MMP19: variants seen among roughly 807,000 people sequenced by gnomAD.
MMP19 encodes the protein matrix metalloproteinase-19.
Under a neutral mutation model 46.6 loss-of-function variants are expected in MMP19, and 47 were observed. The ratio of observed to expected loss-of-function variants is 1.01; its 90% confidence interval spans 0.80 to 1.29. The LOEUF is 1.29. Ranked by LOEUF, MMP19 falls within the 50% of genes most tolerant of loss-of-function variation. MMP19 has a pLI of 0.00. For missense variants in MMP19, 589 were observed against 643.5 expected, an observed-to-expected ratio of 0.92 and a Z score of 0.92; for synonymous variants, 222 against 248.5, an observed-to-expected ratio of 0.89 and a Z score of 1.00.
rs1446236382 is a variant in MMP19 at position 55,842,224 on chromosome 12, C to T, written c.173+129G>A. ...CATGCCCCACCACCATAATAATGAT[C>T]GCCACCCATCTCTAAATCCCTGGCA... On this transcript the variant is annotated intron_variant, in intron 2 of 8. Coordinates refer to ENST00000322569, the MANE Select transcript of MMP19 (RefSeq NM_002429.6). 3.4e-5 allele frequency: 24 copies of T among 714,446 alleles called. 1 individual carries two copies. The highest frequency in any genetic ancestry group is 5.2e-5 in the Non-Finnish European group (21 of 404,248). The allele number at this position is 714,446 out of a possible 1,614,324, so 44.3% of individuals were successfully genotyped here. A position where few individuals can be genotyped will look rare whatever the true frequency, so the allele number is the denominator to read the frequency against.
rs754161614 is a variant in MMP19, at chr12:55,841,172, T to C, written c.238A>G (p.Met80Val). The C allele has an allele frequency of 2.5e-6, 4 of 1,613,932 alleles. No homozygotes were observed. Among genetic ancestry groups the C allele is most frequent in the East Asian group, 4.5e-5 (2 of 44,866 alleles). ...GQLDDATRARMRQPRCGLEDP... is the reference protein window; with the variant it reads ...GQLDDATRARVRQPRCGLEDP... ...TCTAGGCCACAACGAGGCTGCCTCATGCGGGCCCTTGTGGCATCATCCAGC... is the reference window on the plus strand; with the variant it reads ...TCTAGGCCACAACGAGGCTGCCTCACGCGGGCCCTTGTGGCATCATCCAGC... The change falls in exon 3 of 9, where the codon ATG becomes GTG. Residue 80 changes from methionine to valine, a missense_variant. Physicochemically the swap from Met to Val is conservative, Grantham distance 21 (BLOSUM62 1). Transcript: ENST00000322569.
intron 5 of MMP19, among the ~76,000 whole-genome samples, chr12:55,839,102 C>T (rs754844733): frequency 1.3e-5 from 2 of 151,780 alleles, no homozygotes; most frequent in African/African-American, 2.4e-5. Flanking sequence ...ATTAGCTGGG[C>T]GTGGTTGCGT....
rs561717727 is a variant in MMP19 at position 55,838,439 on chromosome 12, C to T, written c.895+167G>A. The T allele has an allele frequency of 1.3e-4, 195 of 1,558,672 alleles. No individual in the cohort carries two copies. In the East Asian group the frequency reaches 3.2e-3, roughly 26 times the overall value. On this transcript the variant is annotated intron_variant, in intron 6 of 8. Coordinates refer to ENST00000322569, the MANE Select transcript of MMP19 (RefSeq NM_002429.6). The stretch of plus-strand genomic sequence containing the variant: ...GCCTAAGCCACCTTTAATTTGGCTC[C>T]GAACTCTCCCTCCCCATGTCACATG...
rs1211610941 is a variant in MMP19 at position 55,836,391 on chromosome 12, C to G, written c.*645G>C. 1 of 152,230 alleles carries G rather than the reference C, an allele frequency of 6.6e-6. No homozygotes were observed. The highest frequency in any genetic ancestry group is 1.5e-5 in the Non-Finnish European group (1 of 68,048). The allele number at this position is 152,230 out of a possible 1,614,324, so 9.4% of individuals were successfully genotyped here. A position where few individuals can be genotyped will look rare whatever the true frequency, so the allele number is the denominator to read the frequency against. On this transcript the variant is annotated 3_prime_UTR_variant, in exon 9 of 9. Transcript: ENST00000322569. ...ACAGACTACTGTAAGAGTTATACAG[C>G]CAGACAGCTAGAGGAAGAGCTGTTC...
In MMP19 at chr12:55,837,324, G is replaced by A; in HGVS notation, c.1239C>T (p.Ser413=). The change falls in exon 9 of 9, where the codon AGC becomes AGT. Residue 413 remains serine (S), a synonymous_variant. Coordinates refer to ENST00000322569, the MANE Select transcript of MMP19 (RefSeq NM_002429.6). ...ACAAACCCTTGATTGGTTTGGGGTA[G>A]CTGCTGAAGTCAGTTCGGGCTAGCT... is the stretch of plus-strand genomic sequence containing the variant. The part of the protein sequence containing the change: ...WDELARTDFS[S]YPKPIKGLFT... 1 of 1,611,992 alleles carries A rather than the reference G, an allele frequency of 6.2e-7. No homozygotes were observed. The highest frequency in any genetic ancestry group is 8.5e-7 in the Non-Finnish European group (1 of 1,178,196).
chr12:55,840,558 C>T lies in MMP19; in HGVS notation c.520+109G>A, dbSNP rs969160318. 14 of 1,124,928 alleles carry T rather than the reference C, an allele frequency of 1.2e-5. No homozygotes were observed. The Admixed American group carries it at 2.5e-4, about 20-fold the overall frequency. The allele number at this position is 1,124,928 out of a possible 1,614,324, so 69.7% of individuals were successfully genotyped here. On this transcript the variant is annotated intron_variant, in intron 4 of 8. Transcript: ENST00000322569. ...GGAGGTAATTAGAGAGCGTATGGTG[C>T]AGGTGGGATAAAGAGCAGCCCAAAC...
At chr12:55,838,496 T>TA (rs761677065) in intron 6 of MMP19, 110 bp downstream of exon 6, 12 of 1,607,528 alleles carry the variant, frequency 7.5e-6, no homozygotes, top group Non-Finnish European at 1.0e-5. Flanking sequence ...GCCTGGGGTC[T>TA]AACCTCCATT....
In MMP19 at chr12:55,838,310, A is replaced by T. The variant is rs990970810; in HGVS notation, c.895+296T>A. The T allele has an allele frequency of 6.1e-6, 4 of 651,992 alleles. No individual in the cohort carries two copies. The Admixed American group carries it at 1.1e-4, about 18-fold the overall frequency. The allele number at this position is 651,992 out of a possible 1,614,324, so 40.4% of individuals were successfully genotyped here. ...CCTAGTTGTCCTTCCAACCAGGTGCACCCTCTCTAACAGGCAATCTGGGTA... is the reference window on the plus strand; with the variant it reads ...CCTAGTTGTCCTTCCAACCAGGTGCTCCCTCTCTAACAGGCAATCTGGGTA... On this transcript the variant is annotated intron_variant, in intron 6 of 8. Coordinates refer to ENST00000322569, the MANE Select transcript of MMP19 (RefSeq NM_002429.6).
intron 4 of MMP19, chr12:55,839,960 GC>G: frequency 1.7e-6 from 1 of 604,652 alleles, no homozygotes; most frequent in South Asian, 2.1e-5. Flanking sequence ...GCCACTCCCT[GC>G]TCTCTGACCC....
intron 8 of MMP19, 61 bp from the exon 9 acceptor site, chr12:55,837,435 G>A (rs1455503742): frequency 1.2e-5 from 19 of 1,576,284 alleles, no homozygotes; most frequent in Non-Finnish European, 1.6e-5. Flanking sequence ...GACCCCCAGG[G>A]GTCCACCCCC....
Position 55,840,308 on chromosome 12 carries a change from TCAAG to T in MMP19, c.520+355_520+358del, listed in dbSNP as rs1362758737. ...CAGTCTGGGCAACAGAGTGAGACTGTCAAGCAAGCAAGAGAGAGGAAGGAAAGAA... is the reference window on the plus strand; with the variant it reads ...CAGTCTGGGCAACAGAGTGAGACTGTCAAGCAAGAGAGAGGAAGGAAAGAA... On this transcript the variant is annotated intron_variant, in intron 4 of 8. Coordinates refer to ENST00000322569, the MANE Select transcript of MMP19 (RefSeq NM_002429.6). Among the ~76,000 whole-genome samples, 4 of 127,186 alleles carry T rather than the reference TCAAG, an allele frequency of 3.1e-5. No individual in the cohort carries two copies. The East Asian group carries it at 7.1e-4, about 22-fold the overall frequency. The allele number at this position is 127,186 out of a possible 152,430, so 83.4% of individuals were successfully genotyped here.
In MMP19 at chr12:55,837,274, G is replaced by T. The variant is rs372055008; in HGVS notation, c.1289C>A (p.Ser430Ter). ...GLFTGVPNQP[S>*]AAMSWQDGRV... is the part of the protein sequence containing the mutation. ...GCCATCTTGCCAACTCATAGCAGCC[G>T]AGGGCTGGTTTGGCACTCCCGTAAA... Residue 430 changes from serine (S) to a stop codon, truncating the protein, a stop_gained, in exon 9 of 9, where the codon TCG (serine) becomes TAG (stop). Coordinates refer to ENST00000322569, the MANE Select transcript of MMP19 (RefSeq NM_002429.6). LOFTEE classifies it low-confidence loss of function (END_TRUNC). 4 of 1,614,060 alleles carry T rather than the reference G, an allele frequency of 2.5e-6. No individual in the cohort carries two copies. In the African/African-American group the frequency reaches 5.3e-5, roughly 22 times the overall value.
intron 2 of MMP19, 49 bp downstream of exon 2, chr12:55,842,304 A>T: frequency 1.4e-6 from 2 of 1,461,690 alleles, no homozygotes; most frequent in Non-Finnish European, 1.9e-6. Flanking sequence ...GAGAAGGAAG[A>T]AGACCTTGAG....
In MMP19 at chr12:55,842,753, C is replaced by G. The variant is rs751036861; in HGVS notation, c.78G>C (p.Val26=). ...VSGRVLGLAE[V]APVDYLSQYG... is the part of the protein sequence containing the mutation. The stretch of plus-strand genomic sequence containing the variant: ...TTCTTGGGGGACTTACCACAGGCGC[C>G]ACCTCTGCAAGCCCCAGGACCCGGC... The change falls in exon 1 of 9, where the codon GTG becomes GTC. Residue 26 remains valine, a synonymous_variant. Coordinates refer to ENST00000322569, the MANE Select transcript of MMP19 (RefSeq NM_002429.6). 7.5e-6 allele frequency: 12 copies of G among 1,604,934 alleles called. No individual in the cohort carries two copies. The highest frequency in any genetic ancestry group is 1.0e-5 in the Non-Finnish European group (12 of 1,176,146).
chr12:55,840,605 G>A, intron 4 of MMP19, 62 bp downstream of exon 4: 3 of 1,509,430 alleles, frequency 2.0e-6, no homozygotes, highest in Non-Finnish European at 2.7e-6. Context: ...AGAGTCACTG[G>A]TTCAAGGAGA....
At chr12:55,838,042 CAG>C in intron 6 of MMP19, 35 bp from the exon 7 acceptor site, 3 of 1,528,554 alleles carry the variant, frequency 2.0e-6, no homozygotes, top group Non-Finnish European at 2.6e-6. Flanking sequence ...GTCAAAAAGA[CAG>C]AGGTCAAGTA....
intron 6 of MMP19, chr12:55,838,402 T>C (rs1881414969): frequency 3.4e-6 from 4 of 1,189,070 alleles, no homozygotes; most frequent in Middle Eastern, 2.1e-4. Context: ...GTGGCAGCCT[T>C]GGTAAGTGCC....
chr12:55,836,433 C>G lies in MMP19; in HGVS notation c.*603G>C, dbSNP rs1346276158. 1.3e-5 allele frequency: 2 copies of G among 152,330 alleles called. No homozygotes were observed. The highest frequency in any genetic ancestry group is 2.9e-5 in the Non-Finnish European group (2 of 68,124). 9.4% of individuals were successfully genotyped at this position (152,330 alleles called of 1,614,324 possible). A position where few individuals can be genotyped will look rare whatever the true frequency, so the allele number is the denominator to read the frequency against. On this transcript the variant is annotated 3_prime_UTR_variant, in exon 9 of 9. Coordinates refer to ENST00000322569, the MANE Select transcript of MMP19 (RefSeq NM_002429.6). ...GAGCTGTTCAGTCCTCTCTTATGAA[C>G]ATGGAGTTAGCTTTTATTAAACACA...
Position 55,837,039 on chromosome 12 carries a change from G to A in MMP19, c.1524C>T (p.Tyr508=). ...TLSATETTFE[Y] is the part of the protein sequence containing the mutation. ...GATTGTGTCTGTGGGTGAGCAGTCA[G>A]TATTCAAACGTGGTTTCTGTGGCTG... The change falls in exon 9 of 9, where the codon TAC becomes TAT. Residue 508 remains tyrosine (Y), a synonymous_variant. Coordinates refer to ENST00000322569, the MANE Select transcript of MMP19 (RefSeq NM_002429.6). 6.4e-7 allele frequency: 1 copy of A among 1,561,500 alleles called. No homozygotes were observed. The highest frequency in any genetic ancestry group is 1.2e-5 in the South Asian group (1 of 81,968).
Sources: allele counts gnomAD v4.1 joint callset (sites outside exome capture counted in the v4.1 genomes callset), GRCh38; gene constraint gnomAD v4.1.1; transcripts MANE v1.5; gene names NCBI Gene and HGNC (gene_info 2026-07-23, HGNC 2026-07-21).